RAPGEF1: variants seen among roughly 807,000 people sequenced by gnomAD.
RAPGEF1 encodes the protein Rap guanine nucleotide exchange factor 1, also known as CRK SH3-binding GNRP.
In RAPGEF1, 33 loss-of-function variants were observed where a neutral mutation model predicts 143.3. The ratio of observed to expected loss-of-function variants is 0.23; its 90% CI spans 0.17 to 0.31. The LOEUF (loss-of-function observed/expected upper bound fraction) is 0.31, where lower values mean the gene tolerates loss of function less well. RAPGEF1 is among the 10% of genes least tolerant of loss of function. The pLI is 1.00. For synonymous variants in RAPGEF1, 629 were observed against 676.5 expected (o/e 0.93, Z 1.09); for missense variants, 1,199 against 1,645.4 (o/e 0.73, Z 4.69).
chr9:131,700,740 G>C (rs1422011203), intron 1 of RAPGEF1, among the ~76,000 whole-genome samples: 1 of 152,176 alleles, frequency 6.6e-6, no homozygotes, highest in African/African-American at 2.4e-5. Flanking sequence ...GTGGTGAGAA[G>C]AAGAAGGAGG....
rs1175563033 is a variant in RAPGEF1, at chr9:131,621,529, G to A, written c.1905+267C>T. On this transcript the variant is annotated intron_variant, in intron 11 of 26. Transcript: ENST00000683357. This position sits in a 1 kb window ranked among gnomAD's most constrained non-coding sequence, Gnocchi z 4.5. Reference sequence around the variant, plus strand: ...GAGAGAGCAAACACCCTGAGTACAAGCCTGTCCCTGCTGCGCGGGGCTGCT... The same window carrying A: ...GAGAGAGCAAACACCCTGAGTACAAACCTGTCCCTGCTGCGCGGGGCTGCT... Among the ~76,000 whole-genome samples the A allele has an allele frequency of 2.0e-5, 3 of 152,204 alleles. No individual in the cohort carries two copies. The highest frequency in any genetic ancestry group is 4.4e-5 in the Non-Finnish European group (3 of 68,032).
chr9:131,705,581 TGG>T (rs1834992803), intron 1 of RAPGEF1, among the ~76,000 whole-genome samples: 1 of 152,080 alleles, frequency 6.6e-6, no homozygotes, highest in South Asian at 2.1e-4. Context: ...TTTTTCTGTT[TGG>T]GGCCTGCTGG....
rs753936228 is a variant in RAPGEF1, at chr9:131,583,309, T to C, written c.3415-607A>G. 1.4e-4 allele frequency among the ~76,000 whole-genome samples: 22 copies of C among 152,136 alleles called. No homozygotes were observed. The highest frequency in any genetic ancestry group is 2.8e-4 in the Non-Finnish European group (19 of 67,996). ...AGTGCTGCCTCCTGAGGACCCCCCATGCAGAGGCCGTGTGAATTTCCCACC... is the reference window on the plus strand; with the variant it reads ...AGTGCTGCCTCCTGAGGACCCCCCACGCAGAGGCCGTGTGAATTTCCCACC... On this transcript the variant is annotated intron_variant, in intron 24 of 26. Coordinates refer to ENST00000683357, the MANE Select transcript of RAPGEF1 (RefSeq NM_001377935.1). This position sits in a 1 kb window ranked among gnomAD's most constrained non-coding sequence, Gnocchi z 4.7.
intron 1 of RAPGEF1, among the ~76,000 whole-genome samples, chr9:131,730,193 CAAAA>C (rs57402366): frequency 1.5e-4 from 10 of 66,974 alleles, no homozygotes; most frequent in Admixed American, 2.0e-4. Context: ...GACTCCCTCT[CAAAA>C]AAAAAAAAAA....
chr9:131,674,018 C>T (rs1349363625), intron 1 of RAPGEF1, among the ~76,000 whole-genome samples: 1 of 152,308 alleles, frequency 6.6e-6, no homozygotes, highest in Admixed American at 6.5e-5. Flanking sequence ...GGTCTCTAAA[C>T]TCTGTAAAAA....
At chr9:131,716,938 C>T (rs753358122) in intron 1 of RAPGEF1, among the ~76,000 whole-genome samples, 17 of 152,174 alleles carry the variant, frequency 1.1e-4, no homozygotes, top group Non-Finnish European at 1.9e-4. Flanking sequence ...TGTGCATAGC[C>T]GTGCACCTGC....
chr9:131,696,382 A>C (rs1834182790), intron 1 of RAPGEF1, among the ~76,000 whole-genome samples: 2 of 152,242 alleles, frequency 1.3e-5, no homozygotes, highest in Non-Finnish European at 2.9e-5. Flanking sequence ...CTTTCCTTAA[A>C]AAGGAAAATA....
At chr9:131,720,637 A>G (rs1836197317) in intron 1 of RAPGEF1, among the ~76,000 whole-genome samples, 1 of 152,204 alleles carries the variant, frequency 6.6e-6, no homozygotes, top group African/African-American at 2.4e-5. Flanking sequence ...AACACCTGCC[A>G]ACATCACAGG....
chr9:131,654,655 G>A (rs1263121971), intron 1 of RAPGEF1, among the ~76,000 whole-genome samples: 1 of 152,164 alleles, frequency 6.6e-6, no homozygotes, highest in Non-Finnish European at 1.5e-5. Flanking sequence ...TGAGCACTGC[G>A]CTCCAGCCTG....
chr9:131,615,412 C>T (rs1407240006), intron 12 of RAPGEF1, among the ~76,000 whole-genome samples: 2 of 152,174 alleles, frequency 1.3e-5, no homozygotes, highest in Non-Finnish European at 2.9e-5. Context: ...CCTGCAGCAC[C>T]GGCAGGGCAC....
chr9:131,712,471 C>A (rs1449794530), intron 1 of RAPGEF1, among the ~76,000 whole-genome samples: 1 of 152,160 alleles, frequency 6.6e-6, no homozygotes, highest in Non-Finnish European at 1.5e-5. Context: ...GCGGCTGGGG[C>A]GCTGTTTCCT....
At chr9:131,626,823 C>A (rs1963241633) in intron 9 of RAPGEF1, among the ~76,000 whole-genome samples, 1 of 152,136 alleles carries the variant, frequency 6.6e-6, no homozygotes, top group Non-Finnish European at 1.5e-5. Flanking sequence ...TAACTGAGGG[C>A]CACGCGGTGG....
chr9:131,633,890 C>G (rs1364549594), intron 5 of RAPGEF1, among the ~76,000 whole-genome samples: 2 of 152,224 alleles, frequency 1.3e-5, no homozygotes, highest in African/African-American at 4.8e-5. Flanking sequence ...TTGGCATGAG[C>G]CCAACACCTC....
chr9:131,671,936 C>A (rs1831463732), intron 1 of RAPGEF1, among the ~76,000 whole-genome samples: 1 of 152,350 alleles, frequency 6.6e-6, no homozygotes, highest in East Asian at 1.9e-4. Context: ...TGTATTAAGG[C>A]TAATATCGTT....
At chr9:131,616,182 G>A (rs1057236290) in intron 12 of RAPGEF1, among the ~76,000 whole-genome samples, 10 of 152,100 alleles carry the variant, frequency 6.6e-5, no homozygotes, top group African/African-American at 1.4e-4. Context: ...GCAGGAGAAC[G>A]CTTGAACCTG....
In RAPGEF1 at chr9:131,626,094, C is replaced by T; in HGVS notation, c.1530G>A (p.Leu510=). The change falls in exon 10 of 27, where the codon CTG becomes CTA. Residue 510 remains leucine (L), a synonymous_variant. Transcript: ENST00000683357. The stretch of plus-strand genomic sequence containing the variant: ...CGGATGGGATCGGGGCTGTGCTCTG[C>T]AGGTCCTCCCCAGAGATGTTGTCAT... The part of the protein sequence containing the change: ...SQYDNISGED[L]QSTAPIPSVP... 1 of 1,613,986 alleles carries T rather than the reference C, an allele frequency of 6.2e-7. No homozygotes were observed. Among genetic ancestry groups the T allele is most frequent in the African/African-American group, 1.3e-5 (1 of 75,050 alleles).
rs769386793 is a variant in RAPGEF1 at position 131,626,232 on chromosome 9, C to A, written c.1392G>T (p.Gly464=). The A allele has an allele frequency of 6.8e-6, 11 of 1,613,898 alleles. No homozygotes were observed. Residue 464 remains glycine (G), a synonymous_variant, in exon 10 of 27, where the codon GGG becomes GGT. Coordinates refer to ENST00000683357, the MANE Select transcript of RAPGEF1 (RefSeq NM_001377935.1). ...HPQPDGPLAP[G]QQTDTPPALP... is the part of the protein sequence containing the mutation. ...GAGCAGGTGGCGTATCTGTCTGCTG[C>A]CCTGGGGCCAGAGGTCCGTCTGGCT...
At chr9:131,587,855 G>C in intron 21 of RAPGEF1, 25 bp from the exon 22 acceptor site, 1 of 1,609,638 alleles carries the variant, frequency 6.2e-7, no homozygotes, top group South Asian at 1.1e-5. Flanking sequence ...AAGGCAGATG[G>C]AGGTGGAGCC....
intron 1 of RAPGEF1, among the ~76,000 whole-genome samples, chr9:131,718,580 G>C (rs903604100): frequency 6.6e-6 from 1 of 152,150 alleles, no homozygotes; most frequent in Admixed American, 6.6e-5. Context: ...GGGGTTTACC[G>C]AGGGACTGGA....
Sources: gnomAD v4.1 joint callset for allele counts (sites outside exome capture counted in the v4.1 genomes callset) on GRCh38, gnomAD v4.1.1 for gene constraint, Gnocchi (gnomAD v3.1) non-coding constraint, MANE v1.5 for transcripts, NCBI Gene and HGNC (gene_info 2026-07-23, HGNC 2026-07-21) for gene names.